The following PLEKHG6 variants were observed in gnomAD, a reference collection of about 807,000 sequenced individuals.
The protein encoded by PLEKHG6 is pleckstrin homology and RhoGEF domain containing G6.
A neutral mutation model predicts 97.5 loss-of-function variants in PLEKHG6; 91 were observed. The ratio of observed to expected loss-of-function variants is 0.93; its 90% CI spans 0.79 to 1.11. The LOEUF is 1.11. Among genes scored for constraint, PLEKHG6 ranks in the 50% most tolerant of loss-of-function variants. The probability of loss-of-function intolerance (pLI) is 0.00; values close to 1 mark genes in which losing one functional copy is unlikely to be tolerated. For missense variants in PLEKHG6, 1,044 were observed against 1,031.0 expected (o/e 1.01, Z -0.17); for synonymous variants, 466 against 425.5 (o/e 1.10, Z -1.17).
intron 2 of PLEKHG6, among the ~76,000 whole-genome samples, 157 bp from the exon 3 acceptor site, chr12:6,313,472 G>A (rs778968484): frequency 2.0e-5 from 3 of 152,216 alleles, no homozygotes; most frequent in South Asian, 2.1e-4. Flanking sequence ...CAGGGCAGGA[G>A]CAGTCCACAC....
At position 6,318,922 on chromosome 12, in the gene PLEKHG6, C is replaced by T. The variant is rs375881286; in HGVS notation, c.1408+45C>T. ...AGTCTTTTCTTCTCCCTCTTCTCAG[C>T]GAGGGGAAGGAGGAGCTGGGACGGA... On this transcript the variant is annotated intron_variant, in intron 12 of 15. Transcript: ENST00000684764. The T allele has an allele frequency of 1.5e-4, 247 of 1,612,622 alleles. 1 individual carries two copies. The highest frequency in any genetic ancestry group is 7.1e-4 in the East Asian group (32 of 44,900).
Position 6,315,163 on chromosome 12 carries a change from G to GCACAAGGTGAGCCTGAAACT in PLEKHG6, c.459+6_459+25dup. The GCACAAGGTGAGCCTGAAACT allele has an allele frequency of 6.2e-7, 1 of 1,610,340 alleles. No individual in the cohort carries two copies. The highest frequency in any genetic ancestry group is 1.1e-5 in the South Asian group (1 of 90,978). ...AGTCCTGGAGGGAGCTGGTGCCTGG[G>GCACAAGGTGAGCCTGAAACT]CACAAGGTGAGCCTGAAACTCACAA... On this transcript the variant is annotated frameshift_variant, in exon 4 of 16. Coordinates refer to ENST00000684764, the MANE Select transcript of PLEKHG6 (RefSeq NM_001384598.1). LOFTEE classifies it high-confidence loss of function. The surrounding 1 kb of genome is among the most constrained non-coding windows in gnomAD (Gnocchi z 4.5).
chr12:6,315,494 G>T lies in PLEKHG6; in HGVS notation c.460-60G>T, dbSNP rs1356981437. On this transcript the variant is annotated intron_variant, in intron 4 of 15. Transcript: ENST00000684764. This position sits in a 1 kb window ranked among gnomAD's most constrained non-coding sequence, Gnocchi z 4.5. Reference sequence around the variant, plus strand: ...GAAGTGGATCCGGTCGCACTTAACAGCTGGTACTTGCCATTCTAATTATCA... The same window carrying T: ...GAAGTGGATCCGGTCGCACTTAACATCTGGTACTTGCCATTCTAATTATCA... The T allele has an allele frequency of 1.8e-6, 2 of 1,118,380 alleles. No homozygotes were observed. The highest frequency in any genetic ancestry group is 2.6e-6 in the Non-Finnish European group (2 of 769,828). The allele number at this position is 1,118,380 out of a possible 1,614,324, so 69.3% of individuals were successfully genotyped here.
chr12:6,314,786 C>T (rs1947394958), intron 3 of PLEKHG6, among the ~76,000 whole-genome samples: 1 of 152,168 alleles, frequency 6.6e-6, no homozygotes, highest in African/African-American at 2.4e-5. Context: ...ACCCACATTC[C>T]AGCAATGCCT....
At chr12:6,320,075 G>A (rs1947652782) in intron 13 of PLEKHG6, among the ~76,000 whole-genome samples, 3 of 152,174 alleles carry the variant, frequency 2.0e-5, no homozygotes, top group Non-Finnish European at 4.4e-5. Flanking sequence ...TGTGTGTTGA[G>A]AGAACTGCCC....
chr12:6,326,513 C>A lies in PLEKHG6; in HGVS notation c.1610C>A (p.Ser537Tyr). The change falls in exon 14 of 16, where the codon TCC becomes TAC. Residue 537 changes from serine to tyrosine, a missense_variant. Coordinates refer to ENST00000684764, the MANE Select transcript of PLEKHG6 (RefSeq NM_001384598.1). Reference sequence around the variant, plus strand: ...CTCTATCGGGACCAGGACAGGGAGTCCCCCAGCACCAGGCCCTCCACGCCT... The same window carrying A: ...CTCTATCGGGACCAGGACAGGGAGTACCCCAGCACCAGGCCCTCCACGCCT... ...LTLYRDQDRE[S>Y]PSTRPSTPSL... 1 of 1,597,740 alleles carries A rather than the reference C, an allele frequency of 6.3e-7. No homozygotes were observed. The highest frequency in any genetic ancestry group is 8.5e-7 in the Non-Finnish European group (1 of 1,173,844).
chr12:6,314,913 AAC>A, intron 3 of PLEKHG6, 90 bp from the exon 4 acceptor site: 1 of 1,222,292 alleles, frequency 8.2e-7, no homozygotes, highest in South Asian at 1.4e-5. Flanking sequence ...CACACACTTT[AAC>A]ACACATGCAC....
At chr12:6,327,046 C>CT (rs2136795265) in intron 14 of PLEKHG6, among the ~76,000 whole-genome samples, 1 of 152,274 alleles carries the variant, frequency 6.6e-6, no homozygotes, top group African/African-American at 2.4e-5. Context: ...GGACCAGATG[C>CT]TATGGATAAA....
Position 6,310,751 on chromosome 12 carries a change from G to A in PLEKHG6, c.-166G>A, listed in dbSNP as rs374634372. 36 of 152,656 alleles carry A rather than the reference G, an allele frequency of 2.4e-4. 1 individual carries two copies. In the East Asian group the frequency reaches 6.2e-3, roughly 26 times the overall value. 9.5% of individuals were successfully genotyped at this position (152,656 alleles called of 1,614,324 possible). Reference sequence around the variant, plus strand: ...ATCCCAGTCCCAGGCTGGGCATCGGGGCTGGCTGGCATCGCCGGGGAGCCG... The same window carrying A: ...ATCCCAGTCCCAGGCTGGGCATCGGAGCTGGCTGGCATCGCCGGGGAGCCG... On this transcript the variant is annotated 5_prime_UTR_variant, in exon 1 of 16. Transcript: ENST00000684764.
At position 6,328,505 on chromosome 12, in the gene PLEKHG6, T is replaced by G; in HGVS notation, c.*360T>G. On this transcript the variant is annotated 3_prime_UTR_variant, in exon 16 of 16. Transcript: ENST00000684764. Reference sequence around the variant, plus strand: ...CTTTACAAAAAAAAATTTTAAAAATTACCCAGGTGTGGTGGTGTGCCTGTG... The same window carrying G: ...CTTTACAAAAAAAAATTTTAAAAATGACCCAGGTGTGGTGGTGTGCCTGTG... 4 of 199,310 alleles carry G rather than the reference T, an allele frequency of 2.0e-5. No homozygotes were observed. Among genetic ancestry groups the G allele is most frequent in the Non-Finnish European group, 3.1e-5 (3 of 97,866 alleles). The allele number at this position is 199,310 out of a possible 1,614,324, so 12.3% of individuals were successfully genotyped here. A position where few individuals can be genotyped will look rare whatever the true frequency, so the allele number is the denominator to read the frequency against.
chr12:6,312,136 C>T, intron 1 of PLEKHG6, 23 bp from the exon 2 acceptor site: 1 of 1,181,942 alleles, frequency 8.5e-7, no homozygotes, highest in South Asian at 2.0e-5. Flanking sequence ...ATGGCCCTTC[C>T]ATTCCTCTTT....
At position 6,317,571 on chromosome 12, in the gene PLEKHG6, G is replaced by A. The variant is rs1376261423; in HGVS notation, c.892G>A (p.Gly298Arg). Residue 298 changes from glycine to arginine, a missense_variant, in exon 9 of 16, where the codon GGG (glycine) becomes AGG (arginine). By Grantham distance (125) the Gly-to-Arg change is moderately radical (BLOSUM62 -2). Coordinates refer to ENST00000684764, the MANE Select transcript of PLEKHG6 (RefSeq NM_001384598.1). ...VQWCEKHKRS[G>R]RQMLCDLLIK... ...GTGGTGTGAGAAGCACAAGCGCTCT[G>A]GGAGGCAGATGCTCTGTGACTTGCT... 3 of 1,613,894 alleles carry A rather than the reference G, an allele frequency of 1.9e-6. No homozygotes were observed. The highest frequency in any genetic ancestry group is 1.7e-5 in the Admixed American group (1 of 60,030).
At chr12:6,322,968 G>A (rs1338350718) in intron 13 of PLEKHG6, among the ~76,000 whole-genome samples, 1 of 152,258 alleles carries the variant, frequency 6.6e-6, no homozygotes, top group Non-Finnish European at 1.5e-5. Context: ...TAGTGGCATC[G>A]GTGTCCCTAG....
Position 6,317,625 on chromosome 12 carries a change from TACCC to T in PLEKHG6, c.949_952del (p.Pro317CysfsTer19). On this transcript the variant is annotated frameshift_variant, in exon 9 of 16. Transcript: ENST00000684764. LOFTEE classifies it high-confidence loss of function. ...CAAGCCCCACCAGCGCATCACCAAG[TACCC>T]ACTGCTGCTCCATGCTGTGCTCAAG... 1 of 1,613,996 alleles carries T rather than the reference TACCC, an allele frequency of 6.2e-7. No homozygotes were observed. Among genetic ancestry groups the T allele is most frequent in the Non-Finnish European group, 8.5e-7 (1 of 1,180,014 alleles).
intron 3 of PLEKHG6, among the ~76,000 whole-genome samples, chr12:6,314,133 C>G (rs539437922): frequency 2.6e-5 from 4 of 152,324 alleles, no homozygotes; most frequent in Admixed American, 2.6e-4. Context: ...AGCCTCACCT[C>G]TCCTCCCAAG....
chr12:6,327,771 C>T lies in PLEKHG6; in HGVS notation c.2188C>T (p.Leu730=). 2 of 1,534,664 alleles carry T rather than the reference C, an allele frequency of 1.3e-6. No homozygotes were observed. The highest frequency in any genetic ancestry group is 1.7e-6 in the Non-Finnish European group (2 of 1,144,396). The change falls in exon 15 of 16, where the codon CTG becomes TTG. Residue 730 remains leucine, a synonymous_variant. Transcript: ENST00000684764. ...GTTCCTGAAAGCTGGCCACACATCC[C>T]TGCGCCCAATGCGGGCTGAGGACAT... ...PLFLKAGHTS[L]RPMRAEDMLR... is the part of the protein sequence containing the mutation.
intron 13 of PLEKHG6, among the ~76,000 whole-genome samples, chr12:6,325,720 AT>A (rs1042341546): frequency 2.0e-5 from 3 of 152,144 alleles, no homozygotes; most frequent in African/African-American, 7.2e-5. Flanking sequence ...TTATTCTACC[AT>A]CACCACCAAC....
Position 6,315,336 on chromosome 12 carries a change from C to T in PLEKHG6, c.459+167C>T, listed in dbSNP as rs542047820. Among the ~76,000 whole-genome samples, 73 of 152,314 alleles carry T rather than the reference C, an allele frequency of 4.8e-4. 2 individuals are homozygous for T. In the South Asian group the frequency reaches 0.014, roughly 29 times the overall value. Reference sequence around the variant, plus strand: ...CAGCTCTGCCACTTACTAGTCAGACCTTGGTCAAGACAGTAAAGTTCTCTG... The same window carrying T: ...CAGCTCTGCCACTTACTAGTCAGACTTTGGTCAAGACAGTAAAGTTCTCTG... On this transcript the variant is annotated intron_variant, in intron 4 of 15. Transcript: ENST00000684764. This position sits in a 1 kb window ranked among gnomAD's most constrained non-coding sequence, Gnocchi z 4.5.
At position 6,317,848 on chromosome 12, in the gene PLEKHG6, C is replaced by G. The variant is rs1369621949; in HGVS notation, c.1018-9C>G. The G allele has an allele frequency of 6.5e-7, 1 of 1,549,926 alleles. No individual in the cohort carries two copies. The highest frequency in any genetic ancestry group is 8.7e-7 in the Non-Finnish European group (1 of 1,145,572). On this transcript the variant is annotated splice_polypyrimidine_tract_variant and intron_variant, in intron 9 of 15. Coordinates refer to ENST00000684764, the MANE Select transcript of PLEKHG6 (RefSeq NM_001384598.1). ...CCGTCCCTCCTCCCACACCCCCAAC[C>G]CCACCTAGATTGAAGCCGTGGAGTC... is the stretch of plus-strand genomic sequence containing the variant.
Sources: allele counts gnomAD v4.1 joint callset (sites outside exome capture counted in the v4.1 genomes callset), GRCh38; gene constraint gnomAD v4.1.1; non-coding constraint Gnocchi (gnomAD v3.1); transcripts MANE v1.5; gene names NCBI Gene and HGNC (gene_info 2026-07-23, HGNC 2026-07-21).